PLXNB3: variants seen among roughly 807,000 people sequenced by gnomAD.
PLXNB3 encodes the protein plexin B3.
Under a neutral mutation model 125.7 loss-of-function variants are expected in PLXNB3, and 80 were observed. The observed-to-expected ratio is 0.64, with a 90% CI of 0.53 to 0.77. PLXNB3 has a LOEUF of 0.77. PLXNB3 is among the 30% of genes least tolerant of loss of function. The pLI, the probability that PLXNB3 is intolerant of heterozygous loss-of-function variation, is 0.00. For synonymous variants in PLXNB3, 954 were observed against 783.3 expected (o/e 1.22, Z -3.64); for missense variants, 1,836 against 1,729.3 (o/e 1.06, Z -1.09).
rs938008258 is a variant in PLXNB3 at position 153,770,108 on chromosome X, C to T, written c.1646C>T (p.Pro549Leu). ...QEQGQVTLSV[P>L]RLPILDADEY... ...GCATCCCAGGTCACTTTGTCTGTCC[C>T]CCGGCTGCCCATCCTGGATGCAGAT... is the stretch of plus-strand genomic sequence containing the variant. Residue 549 changes from proline (P) to leucine (L), a missense_variant, in exon 8 of 36, where the codon CCC becomes CTC. By Grantham distance (98) the Pro-to-Leu change is moderately conservative. Coordinates refer to ENST00000361971, the MANE Select transcript of PLXNB3 (RefSeq NM_005393.3). 4 of 1,211,147 alleles carry T rather than the reference C, an allele frequency of 3.3e-6. No homozygotes were observed. The highest frequency in any genetic ancestry group is 3.4e-6 in the Non-Finnish European group (3 of 895,318).
In PLXNB3 at chrX:153,777,236, G is replaced by T; in HGVS notation, c.4956G>T (p.Glu1652Asp). 2 of 1,147,919 alleles carry T rather than the reference G, an allele frequency of 1.7e-6. No individual in the cohort carries two copies. Among genetic ancestry groups the T allele is most frequent in the African/African-American group, 1.8e-5 (1 of 56,453 alleles). The allele number at this position is 1,147,919 out of a possible 1,213,427, so 94.6% of individuals were successfully genotyped here. Reference sequence around the variant, plus strand: ...TACCCACGCTGGAGGATGGCGAGGAGGGGGGGGTGTGCCTCTGGCACCTGG... The same window carrying T: ...TACCCACGCTGGAGGATGGCGAGGATGGGGGGGTGTGCCTCTGGCACCTGG... ...ENIPTLEDGE[E>D]GGVCLWHLVK... is the part of the protein sequence containing the mutation. Residue 1652 changes from glutamate (E) to aspartate (D), a missense_variant, in exon 30 of 36, where the codon GAG becomes GAT. Glu to Asp is a conservative substitution (Grantham distance 45). Transcript: ENST00000361971.
Position 153,773,315 on chromosome X carries a change from G to A in PLXNB3, c.2992G>A (p.Gly998Ser), listed in dbSNP as rs201369325. 2 of 1,209,068 alleles carry A rather than the reference G, an allele frequency of 1.7e-6. No individual in the cohort carries two copies. The highest frequency in any genetic ancestry group is 2.2e-5 in the Admixed American group (1 of 45,951). The change falls in exon 18 of 36, where the codon GGC becomes AGC. Residue 998 changes from glycine to serine, a missense_variant. Transcript: ENST00000361971. ...AGAAGCAGCGGTCCTTGTGGTCTTT[G>A]GCCATGCCCAGCGCACACTGCTCGC... ...PGEAAVLVVF[G>S]HAQRTLLASP...
intron 35 of PLXNB3, 79 bp downstream of exon 35, chrX:153,778,753 A>AGCCCATGCTGGCGGG (rs2092024000): frequency 8.9e-7 from 1 of 1,123,481 alleles, no homozygotes; most frequent in African/African-American, 1.8e-5. Flanking sequence ...CAGGGGTGCC[A>AGCCCATGCTGGCGGG]GCCCATGCTG....
chrX:153,774,373 G>C (rs782034599), intron 21 of PLXNB3, 29 bp downstream of exon 21: 439 of 1,155,297 alleles, frequency 3.8e-4, no homozygotes, highest in Non-Finnish European at 4.9e-4. Context: ...TGGGCAGGTG[G>C]ACCGGGTGCC....
chrX:153,777,354 T>C lies in PLXNB3; in HGVS notation c.5074T>C (p.Tyr1692His). The change falls in exon 30 of 36, where the codon TAC becomes CAC. Residue 1692 changes from tyrosine to histidine, a missense_variant. Physicochemically the swap from Tyr to His is moderately conservative, Grantham distance 83. Coordinates refer to ENST00000361971, the MANE Select transcript of PLXNB3 (RefSeq NM_005393.3). Reference protein sequence around the residue: ...PARAKAIPEIYLTRLLSMKGT... With the variant: ...PARAKAIPEIHLTRLLSMKGT... ...AAGGGCCAAGGCCATTCCGGAAATC[T>C]ACCTCACCCGTCTGCTGTCCATGAA... The C allele has an allele frequency of 1.7e-6, 2 of 1,202,367 alleles. No homozygotes were observed. The highest frequency in any genetic ancestry group is 2.2e-6 in the Non-Finnish European group (2 of 889,167).
chrX:153,768,029 G>A, intron 3 of PLXNB3, 116 bp downstream of exon 3: 1 of 832,163 alleles, frequency 1.2e-6, no homozygotes. Context: ...GGGGTCAGCT[G>A]AGTCTCCAGG....
At chrX:153,768,870 C>A (rs2091890265) in intron 4 of PLXNB3, 78 bp from the exon 5 acceptor site, 5 of 1,106,454 alleles carry the variant, frequency 4.5e-6, no homozygotes, top group Non-Finnish European at 6.1e-6. Flanking sequence ...AAGGAGCCCC[C>A]ACTAGGAGGA....
At chrX:153,775,815 G>C (rs782477353) in intron 26 of PLXNB3, 72 bp from the exon 27 acceptor site, 2 of 1,124,178 alleles carry the variant, frequency 1.8e-6, no homozygotes, top group South Asian at 2.0e-5. Flanking sequence ...GGCTGGAGAC[G>C]AGGCAGAGGC....
In PLXNB3 at chrX:153,769,042, G is replaced by A. The variant is rs1432789842; in HGVS notation, c.1361G>A (p.Ser454Asn). Residue 454 changes from serine to asparagine, a missense_variant, in exon 5 of 36, where the codon AGT becomes AAT. By Grantham distance (46) the Ser-to-Asn change is conservative. Transcript: ENST00000361971. ...AISPDLLLDS[S>N]GSHLYVLTAH... ...AGCCCAGACCTGCTGCTGGACAGCAGTGGCAGTCACCTCTATGTCCTGACT... is the reference window on the plus strand; with the variant it reads ...AGCCCAGACCTGCTGCTGGACAGCAATGGCAGTCACCTCTATGTCCTGACT... The A allele has an allele frequency of 8.3e-7, 1 of 1,211,350 alleles. No homozygotes were observed. Among genetic ancestry groups the A allele is most frequent in the East Asian group, 3.0e-5 (1 of 33,857 alleles).
rs782619764 is a variant in PLXNB3, at chrX:153,772,334, A to C, written c.2775+47A>C. The C allele has an allele frequency of 1.1e-5, 10 of 934,459 alleles. No homozygotes were observed. The Admixed American group carries it at 1.5e-4, about 14-fold the overall frequency. The allele number at this position is 934,459 out of a possible 1,213,427, so 77.0% of individuals were successfully genotyped here. On this transcript the variant is annotated intron_variant, in intron 16 of 35. Transcript: ENST00000361971. The stretch of plus-strand genomic sequence containing the variant: ...CCCTACGCAGGGGAGGGTAGGAGGG[A>C]GGGCCAGGAAGGACAGGCGCCTAGT...
At position 153,770,814 on chromosome X, in the gene PLXNB3, T is replaced by C; in HGVS notation, c.2067T>C (p.Gly689=). The change falls in exon 11 of 36, where the codon GGT becomes GGC. Residue 689 remains glycine (G), a synonymous_variant. Coordinates refer to ENST00000361971, the MANE Select transcript of PLXNB3 (RefSeq NM_005393.3). The part of the protein sequence containing the change: ...GACPQVEGLA[G]PHLVPVGWES... ...GCCCACAGGTCGAAGGCCTGGCAGGTCCCCACCTGGTGCCTGTGGGCTGGG... is the reference window on the plus strand; with the variant it reads ...GCCCACAGGTCGAAGGCCTGGCAGGCCCCCACCTGGTGCCTGTGGGCTGGG... The C allele has an allele frequency of 2.5e-6, 3 of 1,208,051 alleles. No homozygotes were observed. Among genetic ancestry groups the C allele is most frequent in the Non-Finnish European group, 3.4e-6 (3 of 893,218 alleles).
chrX:153,766,046 C>A lies in PLXNB3; in HGVS notation c.45+466C>A, dbSNP rs781898455. ...CTCCTGGGACACTCCTACACTGAGG[C>A]CCCCTGTGCCAGGCCCTGAGAGACC... On this transcript the variant is annotated intron_variant, in intron 2 of 35. Transcript: ENST00000361971. The A allele has an allele frequency of 1.3e-5, 14 of 1,046,441 alleles. No individual in the cohort carries two copies. The East Asian group carries it at 4.6e-4, about 34-fold the overall frequency. 86.2% of individuals were successfully genotyped at this position (1,046,441 alleles called of 1,213,427 possible). A position where few individuals can be genotyped will look rare whatever the true frequency, so the allele number is the denominator to read the frequency against.
At position 153,774,479 on chromosome X, in the gene PLXNB3, G is replaced by A. The variant is rs373601261; in HGVS notation, c.3738G>A (p.Pro1246=). The A allele has an allele frequency of 2.7e-5, 33 of 1,205,083 alleles. No homozygotes were observed. The highest frequency in any genetic ancestry group is 1.2e-4 in the East Asian group (4 of 33,625). ...LGPVQYEAEP[P]LSAFPVEAQA... is the part of the protein sequence containing the mutation. ...CTGTGCAGTACGAGGCTGAACCCCC[G>A]CTGTCTGCCTTTCCCGTGGAGGCCC... The change falls in exon 22 of 36, where the codon CCG becomes CCA. Residue 1246 remains proline (P), a synonymous_variant. Coordinates refer to ENST00000361971, the MANE Select transcript of PLXNB3 (RefSeq NM_005393.3).
At position 153,776,108 on chromosome X, in the gene PLXNB3, G is replaced by C. The variant is rs2091982473; in HGVS notation, c.4623G>C (p.Arg1541=). 4.2e-6 allele frequency: 5 copies of C among 1,202,812 alleles called. No individual in the cohort carries two copies. In the East Asian group the frequency reaches 1.5e-4, roughly 36 times the overall value. ...GSSEMQRVPA[R]VLDTDTITQV... ...GCGAGATGCAGCGCGTGCCAGCCCG[G>C]GTGCTCGACACGGACACCATCACCC... is the stretch of plus-strand genomic sequence containing the variant. Residue 1541 remains arginine, a synonymous_variant, in exon 27 of 36, where the codon CGG becomes CGC. Transcript: ENST00000361971.
chrX:153,779,264 C>T lies in PLXNB3; in HGVS notation c.*225C>T, dbSNP rs782353246. 2 of 292,451 alleles carry T rather than the reference C, an allele frequency of 6.8e-6. No individual in the cohort carries two copies. Among genetic ancestry groups the T allele is most frequent in the African/African-American group, 2.8e-5 (1 of 35,394 alleles). 24.1% of individuals were successfully genotyped at this position (292,451 alleles called of 1,213,427 possible). A position where few individuals can be genotyped will look rare whatever the true frequency, so the allele number is the denominator to read the frequency against. On this transcript the variant is annotated 3_prime_UTR_variant, in exon 36 of 36. Coordinates refer to ENST00000361971, the MANE Select transcript of PLXNB3 (RefSeq NM_005393.3). ...TAATTTATAAGGATCCCCCTCCTTC[C>T]CCCTCTCCCCATTGTATTTATTTGC...
rs1317223148 is a variant in PLXNB3 at position 153,776,977 on chromosome X, G to A, written c.4924G>A (p.Glu1642Lys). Reference protein sequence around the residue: ...QSLAQRCPLGENIPTLEDGEE... With the variant: ...QSLAQRCPLGKNIPTLEDGEE... ...CCTGGCCCAGAGGTGCCCCTTGGGA[G>A]AGAGTGAGTCCCTCGGCCCTGACCT... Residue 1642 changes from glutamate (E) to lysine (K), a missense_variant, in exon 29 of 36, where the codon GAG becomes AAG. Transcript: ENST00000361971. The A allele has an allele frequency of 6.9e-6, 8 of 1,167,526 alleles. No individual in the cohort carries two copies. Among genetic ancestry groups the A allele is most frequent in the Non-Finnish European group, 8.1e-6 (7 of 863,651 alleles).
At chrX:153,778,899 G>A (rs1557065527) in intron 35 of PLXNB3, 36 bp from the exon 36 acceptor site, 2 of 1,121,864 alleles carry the variant, frequency 1.8e-6, no homozygotes, top group South Asian at 2.2e-5. Context: ...AGGCAGAGGG[G>A]CAGGCTCAGA....
intron 16 of PLXNB3, 121 bp from the exon 17 acceptor site, chrX:153,772,765 C>G (rs1557062437): frequency 2.9e-6 from 3 of 1,038,338 alleles, no homozygotes; most frequent in Non-Finnish European, 3.7e-6. Flanking sequence ...CCACTTTGGC[C>G]CCAGGAGGTG....
chrX:153,767,573 G>T lies in PLXNB3; in HGVS notation c.746G>T (p.Arg249Leu). Reference protein sequence around the residue: ...ADARSAYFVFRRRGARAQAEY... With the variant: ...ADARSAYFVFLRRGARAQAEY... The stretch of plus-strand genomic sequence containing the variant: ...GCCCGCTCCGCCTACTTCGTGTTCC[G>T]CCGCCGCGGGGCCCGGGCCCAGGCT... The change falls in exon 3 of 36, where the codon CGC (arginine) becomes CTC (leucine). Residue 249 changes from arginine to leucine, a missense_variant. Arg to Leu is a moderately radical substitution (Grantham distance 102). Coordinates refer to ENST00000361971, the MANE Select transcript of PLXNB3 (RefSeq NM_005393.3). 8.5e-7 allele frequency: 1 copy of T among 1,171,675 alleles called. No homozygotes were observed. Among genetic ancestry groups the T allele is most frequent in the Non-Finnish European group, 1.1e-6 (1 of 875,679 alleles).
Sources: allele counts gnomAD v4.1 joint callset, GRCh38; gene constraint gnomAD v4.1.1; transcripts MANE v1.5; gene names NCBI Gene and HGNC (gene_info 2026-07-23, HGNC 2026-07-21).